Variants in FMO1 observed in about 807,000 individuals in gnomAD.
The protein encoded by FMO1 is flavin-containing monooxygenase 1.
FMO1 carries 36 observed loss-of-function variants against 45.4 expected under a neutral mutation model. The ratio of observed to expected loss-of-function variants is 0.79; its 90% CI spans 0.61 to 1.05. FMO1 has a LOEUF of 1.05. FMO1 is among the 50% of genes least tolerant of loss of function. The pLI, the probability that FMO1 is intolerant of heterozygous loss-of-function variation, is 0.00. For missense variants in FMO1, 615 were observed against 640.3 expected (o/e 0.96, Z 0.43); for synonymous variants, 228 against 227.2 (o/e 1.00, Z -0.03).
intron 4 of FMO1, among the ~76,000 whole-genome samples, chr1:171,278,293 A>G (rs934218338): frequency 1.3e-5 from 2 of 152,240 alleles, no homozygotes; most frequent in African/African-American, 4.8e-5. Context: ...GGCACAAAGC[A>G]GAGATCAAAA....
At chr1:171,268,604 T>C (rs1660718206) in intron 3 of FMO1, among the ~76,000 whole-genome samples, 1 of 151,780 alleles carries the variant, frequency 6.6e-6, no homozygotes. Flanking sequence ...TATATCCTTT[T>C]TGTCCTTTTT....
intron 1 of FMO1, among the ~76,000 whole-genome samples, chr1:171,250,221 G>A (rs1050343203): frequency 6.6e-6 from 1 of 152,188 alleles, no homozygotes. Flanking sequence ...CTTGGAATCA[G>A]ATCAGACATG....
Position 171,275,491 on chromosome 1 carries a change from C to A in FMO1, c.467C>A (p.Pro156Gln). 6.2e-7 allele frequency: 1 copy of A among 1,610,908 alleles called. No individual in the cohort carries two copies. Among genetic ancestry groups the A allele is most frequent in the South Asian group, 1.1e-5 (1 of 90,378 alleles). The change falls in exon 4 of 9, where the codon CCA becomes CAA. Residue 156 changes from proline (P) to glutamine (Q), a missense_variant. Pro to Gln is a moderately conservative substitution (Grantham distance 76). Coordinates refer to ENST00000617670, the MANE Select transcript of FMO1 (RefSeq NM_001282693.2). ...CTGFLTNPYL[P>Q]LDSFPGINAF... Reference sequence around the variant, plus strand: ...GGCTTTCTTACTAATCCTTATTTGCCACTGGATTCCTTTCCAGGTACAGCA... The same window carrying A: ...GGCTTTCTTACTAATCCTTATTTGCAACTGGATTCCTTTCCAGGTACAGCA...
intron 2 of FMO1, among the ~76,000 whole-genome samples, chr1:171,262,229 G>A (rs1416156409): frequency 6.6e-6 from 1 of 152,154 alleles, no homozygotes; most frequent in African/African-American, 2.4e-5. Flanking sequence ...GAGGTCAGGA[G>A]TTCGAGACCA....
intron 1 of FMO1, among the ~76,000 whole-genome samples, chr1:171,251,193 G>T (rs1659873189): frequency 6.6e-6 from 1 of 152,138 alleles, no homozygotes. Flanking sequence ...CCCTCTAACG[G>T]TGTTGACTCA....
At chr1:171,251,727 G>T (rs535266883) in intron 1 of FMO1, 1 of 151,180 alleles carries the variant, frequency 6.6e-6, no homozygotes, top group South Asian at 2.1e-4. Context: ...GGTCCCAGGT[G>T]CTTACAGGCT....
At chr1:171,281,204 T>A (rs767547301) in intron 6 of FMO1, among the ~76,000 whole-genome samples, 2 of 152,206 alleles carry the variant, frequency 1.3e-5, no homozygotes, top group African/African-American at 2.4e-5. Flanking sequence ...ATTATAATAA[T>A]CCTTTTATTA....
intron 2 of FMO1, among the ~76,000 whole-genome samples, chr1:171,263,986 A>T (rs772741406): frequency 5.9e-5 from 9 of 152,200 alleles, no homozygotes; most frequent in Admixed American, 1.3e-4. Flanking sequence ...GAAACAATCA[A>T]TAGAAGGAAA....
At chr1:171,250,992 A>G (rs1659863700) in intron 1 of FMO1, among the ~76,000 whole-genome samples, 1 of 152,226 alleles carries the variant, frequency 6.6e-6, no homozygotes, top group South Asian at 2.1e-4. Context: ...AGAAGTTTGC[A>G]TAACTTCAGT....
At chr1:171,248,906 T>G (rs1422923322) in intron 1 of FMO1, among the ~76,000 whole-genome samples, 1 of 150,738 alleles carries the variant, frequency 6.6e-6, no homozygotes, top group Non-Finnish European at 1.5e-5. Context: ...TACTGTTGGG[T>G]AGATTATTAA....
At chr1:171,265,712 AT>A (rs28360379) in intron 2 of FMO1, among the ~76,000 whole-genome samples, 31,909 of 152,124 alleles carry the variant, frequency 0.21, 4,802 homozygotes, top group African/African-American at 0.42. Flanking sequence ...TTAAATACAC[AT>A]TTTTTTATAT....
intron 6 of FMO1, 145 bp downstream of exon 6, chr1:171,281,130 C>T: frequency 1.5e-6 from 1 of 650,446 alleles, no homozygotes; most frequent in Non-Finnish European, 2.7e-6. Flanking sequence ...TAACAGCTAA[C>T]TGTTCTTAAG....
chr1:171,265,949 AT>A (rs1660603062), intron 2 of FMO1, among the ~76,000 whole-genome samples: 1 of 152,036 alleles, frequency 6.6e-6, no homozygotes, highest in African/African-American at 2.4e-5. Flanking sequence ...TTCAGTGTAT[AT>A]TTTTTAACTG....
At chr1:171,263,279 A>G (rs1571336875) in intron 2 of FMO1, among the ~76,000 whole-genome samples, 2 of 152,214 alleles carry the variant, frequency 1.3e-5, no homozygotes, top group South Asian at 4.1e-4. Flanking sequence ...CTATCACTCC[A>G]ATTTCTCCTA....
intron 8 of FMO1, 128 bp from the exon 9 acceptor site, chr1:171,285,074 T>TA (rs1571367789): frequency 1.7e-6 from 1 of 591,584 alleles, no homozygotes. Context: ...GGTAGGGAAA[T>TA]AAAGGGGAAA....
At chr1:171,264,529 T>C (rs1660524332) in intron 2 of FMO1, among the ~76,000 whole-genome samples, 1 of 152,052 alleles carries the variant, frequency 6.6e-6, no homozygotes, top group South Asian at 2.1e-4. Flanking sequence ...CTATTGGGCA[T>C]CCTAAAGCAC....
chr1:171,262,711 C>T (rs568712558), intron 2 of FMO1, among the ~76,000 whole-genome samples: 7 of 152,154 alleles, frequency 4.6e-5, no homozygotes, highest in Non-Finnish European at 1.0e-4. Context: ...AACGTCTATT[C>T]GTATATTCAA....
At chr1:171,254,134 G>T (rs1201790262) in intron 1 of FMO1, 2 of 151,988 alleles carry the variant, frequency 1.3e-5, no homozygotes, top group Non-Finnish European at 2.9e-5. Context: ...TGTCACCCAG[G>T]CTGGAGTGCA....
intron 2 of FMO1, among the ~76,000 whole-genome samples, chr1:171,263,785 T>C (rs377753697): frequency 6.6e-6 from 1 of 152,118 alleles, no homozygotes; most frequent in East Asian, 1.9e-4. Flanking sequence ...CCAGAGTGTC[T>C]GCAGCACGGG....
Sources: gnomAD v4.1 joint callset for allele counts (sites outside exome capture counted in the v4.1 genomes callset) on GRCh38, gnomAD v4.1.1 for gene constraint, MANE v1.5 for transcripts, NCBI Gene and HGNC (gene_info 2026-07-23, HGNC 2026-07-21) for gene names.